LHX1: variants seen among roughly 807,000 people sequenced by gnomAD.
LHX1 encodes the protein LIM/homeobox protein Lhx1.
In LHX1, 9 loss-of-function variants were observed where a neutral mutation model predicts 34.1. That is an observed-to-expected ratio of 0.26 (90% CI 0.16 to 0.46). The LOEUF is 0.46. Among genes scored for constraint, LHX1 ranks in the 20% least tolerant of loss-of-function variants. The pLI is 1.00. For synonymous variants in LHX1, 254 were observed against 241.5 expected, an observed-to-expected ratio of 1.05 and a Z score of -0.48; for missense variants, 446 against 559.1, an observed-to-expected ratio of 0.80 and a Z score of 2.04.
Position 36,937,538 on chromosome 17 carries a change from C to A in LHX1, c.-660C>A. 6.2e-6 allele frequency: 2 copies of A among 322,230 alleles called. No individual in the cohort carries two copies. Among genetic ancestry groups the A allele is most frequent in the South Asian group, 4.6e-5 (2 of 43,056 alleles). The allele number at this position is 322,230 out of a possible 1,614,324, so 20.0% of individuals were successfully genotyped here. Reference sequence around the variant, plus strand: ...CCGCGGTCGGCCCTCGCCCCCTCCCCCAGGCCCAGCGCGGGCGCTCGGCGC... The same window carrying A: ...CCGCGGTCGGCCCTCGCCCCCTCCCACAGGCCCAGCGCGGGCGCTCGGCGC... On this transcript the variant is annotated 5_prime_UTR_variant, in exon 1 of 5. Coordinates refer to ENST00000614239, the MANE Select transcript of LHX1 (RefSeq NM_005568.5).
intron 4 of LHX1, 110 bp from the exon 5 acceptor site, chr17:36,942,642 T>A: frequency 8.1e-7 from 1 of 1,229,740 alleles, no homozygotes; most frequent in Non-Finnish European, 1.1e-6. Context: ...GATCCGCGAG[T>A]TCCCCGCGCG....
Position 36,943,099 on chromosome 17 carries a change from C to G in LHX1, c.1189C>G (p.Pro397Ala). ...GASYGNHLSH[P>A]PEMNEAAVW is the part of the protein sequence containing the mutation. ...GAGCTACGGAAACCACCTGTCCCAC[C>G]CCCCCGAAATGAACGAGGCGGCCGT... The change falls in exon 5 of 5, where the codon CCC becomes GCC. Residue 397 changes from proline (P) to alanine (A), a missense_variant. Transcript: ENST00000614239. 1 of 1,612,290 alleles carries G rather than the reference C, an allele frequency of 6.2e-7. No individual in the cohort carries two copies. Among genetic ancestry groups the G allele is most frequent in the South Asian group, 1.1e-5 (1 of 90,992 alleles).
chr17:36,941,033 G>A, intron 3 of LHX1, 146 bp downstream of exon 3: 1 of 1,270,638 alleles, frequency 7.9e-7, no homozygotes, highest in South Asian at 1.3e-5. Context: ...CGAGCCTGCG[G>A]GACCTATGAA....
chr17:36,941,122 C>A, intron 3 of LHX1: 3 of 745,044 alleles, frequency 4.0e-6, no homozygotes, highest in East Asian at 2.7e-5. Flanking sequence ...GGGGGAGGGA[C>A]GGGAGTTCAG....
chr17:36,942,957 C>T lies in LHX1; in HGVS notation c.1047C>T (p.His349=), dbSNP rs1211589375. The T allele has an allele frequency of 4.3e-6, 7 of 1,610,072 alleles. No homozygotes were observed. Among genetic ancestry groups the T allele is most frequent in the Non-Finnish European group, 5.9e-6 (7 of 1,178,808 alleles). The change falls in exon 5 of 5, where the codon CAC becomes CAT. Residue 349 remains histidine, a synonymous_variant. Coordinates refer to ENST00000614239, the MANE Select transcript of LHX1 (RefSeq NM_005568.5). ...EAQRFTDILA[H]PPGDSPSPEP... ...AGCGGTTTACCGACATCCTGGCGCACCCACCCGGGGACTCGCCCAGCCCCG... is the reference window on the plus strand; with the variant it reads ...AGCGGTTTACCGACATCCTGGCGCATCCACCCGGGGACTCGCCCAGCCCCG...
intron 1 of LHX1, among the ~76,000 whole-genome samples, chr17:36,939,208 C>T (rs1434739958): frequency 6.6e-6 from 1 of 152,200 alleles, no homozygotes; most frequent in African/African-American, 2.4e-5. Context: ...ATTATATTAT[C>T]GTACACTCAC....
At position 36,942,407 on chromosome 17, in the gene LHX1, G is replaced by A. The variant is rs747152138; in HGVS notation, c.841+42G>A. ...TGGCGGGGCGCGGCCAGGTCGGGGC[G>A]GGCTTCGTTGGAAGCGGGTGGCAGC... On this transcript the variant is annotated intron_variant, in intron 4 of 4. Coordinates refer to ENST00000614239, the MANE Select transcript of LHX1 (RefSeq NM_005568.5). The A allele has an allele frequency of 1.1e-5, 17 of 1,547,576 alleles. No homozygotes were observed. In the South Asian group the frequency reaches 1.9e-4, roughly 17 times the overall value.
At chr17:36,942,084 A>C (rs2070768412) in intron 3 of LHX1, 116 bp from the exon 4 acceptor site, 2 of 1,012,402 alleles carry the variant, frequency 2.0e-6, no homozygotes, top group African/African-American at 3.2e-5. Context: ...CACACACACA[A>C]GCGCGCGCGC....
In LHX1 at chr17:36,944,320, T is replaced by G. The variant is rs2070789080; in HGVS notation, c.*1189T>G. On this transcript the variant is annotated 3_prime_UTR_variant, in exon 5 of 5. Coordinates refer to ENST00000614239, the MANE Select transcript of LHX1 (RefSeq NM_005568.5). The stretch of plus-strand genomic sequence containing the variant: ...TTAAAAAAAAACATCTTTGCTAATT[T>G]TTTTGTCCTGTTGAACATTCATGGA... 6.6e-6 allele frequency: 1 copy of G among 152,178 alleles called. No homozygotes were observed. The highest frequency in any genetic ancestry group is 2.4e-5 in the African/African-American group (1 of 41,458). The allele number at this position is 152,178 out of a possible 1,614,324, so 9.4% of individuals were successfully genotyped here. A position where few individuals can be genotyped will look rare whatever the true frequency, so the allele number is the denominator to read the frequency against.
intron 3 of LHX1, chr17:36,941,399 C>CTTCCAGCGG: frequency 3.0e-6 from 1 of 337,668 alleles, no homozygotes; most frequent in South Asian, 2.3e-5. Flanking sequence ...GTCAGCTCTG[C>CTTCCAGCGG]TTCCAGCGGG....
chr17:36,941,915 A>G (rs998000429), intron 3 of LHX1, among the ~76,000 whole-genome samples: 6 of 152,138 alleles, frequency 3.9e-5, no homozygotes, highest in Non-Finnish European at 5.9e-5. Context: ...GGTAACTGTG[A>G]TAGTGTGACT....
Position 36,942,847 on chromosome 17 carries a change from T to C in LHX1, c.937T>C (p.Phe313Leu). 6.3e-7 allele frequency: 1 copy of C among 1,590,468 alleles called. No homozygotes were observed. Among genetic ancestry groups the C allele is most frequent in the Non-Finnish European group, 8.6e-7 (1 of 1,166,120 alleles). Residue 313 changes from phenylalanine to leucine, a missense_variant, in exon 5 of 5, where the codon TTC (phenylalanine) becomes CTC (leucine). By Grantham distance (22) the Phe-to-Leu change is conservative (BLOSUM62 0). Coordinates refer to ENST00000614239, the MANE Select transcript of LHX1 (RefSeq NM_005568.5). The stretch of plus-strand genomic sequence containing the variant: ...GGCCCAGACACCAGTGGACCTACCC[T>C]TCGTGCCGTCATCTGGGCCGTCCGG... ...SQAQTPVDLP[F>L]VPSSGPSGTP...
Position 36,937,957 on chromosome 17 carries a change from G to A in LHX1, c.-241G>A. ...CGGGAGCTCAGGCGGCGCCGCTCCAGCCCGGGGCCCCGGGACTCCCCGGCT... is the reference window on the plus strand; with the variant it reads ...CGGGAGCTCAGGCGGCGCCGCTCCAACCCGGGGCCCCGGGACTCCCCGGCT... On this transcript the variant is annotated 5_prime_UTR_variant, in exon 1 of 5. Coordinates refer to ENST00000614239, the MANE Select transcript of LHX1 (RefSeq NM_005568.5). 1.7e-6 allele frequency: 1 copy of A among 601,730 alleles called. No individual in the cohort carries two copies. Among genetic ancestry groups the A allele is most frequent in the South Asian group, 2.0e-5 (1 of 51,206 alleles). 37.3% of individuals were successfully genotyped at this position (601,730 alleles called of 1,614,324 possible).
intron 1 of LHX1, among the ~76,000 whole-genome samples, chr17:36,939,042 G>A (rs1437563779): frequency 3.3e-5 from 5 of 152,182 alleles, no homozygotes; most frequent in Non-Finnish European, 7.3e-5. Context: ...TCAGCCCCAG[G>A]TGACTCCGAC....
Position 36,942,214 on chromosome 17 carries a change from C to G in LHX1, c.690C>G (p.Asn230Lys). The G allele has an allele frequency of 6.3e-7, 1 of 1,596,974 alleles. No individual in the cohort carries two copies. Among genetic ancestry groups the G allele is most frequent in the Non-Finnish European group, 8.5e-7 (1 of 1,176,450 alleles). The change falls in exon 4 of 5, where the codon AAC (asparagine) becomes AAG (lysine). Residue 230 changes from asparagine (N) to lysine (K), a missense_variant. Transcript: ENST00000614239. ...NMRVIQVWFQ[N>K]RRSKERRMKQ... The stretch of plus-strand genomic sequence containing the variant: ...ATGTGCTGCAGGTCTGGTTCCAGAA[C>G]CGGCGCTCCAAGGAGCGGAGGATGA...
In LHX1 at chr17:36,943,940, A is replaced by AG. The variant is rs1249501329; in HGVS notation, c.*809_*810insG. 1 of 151,856 alleles carries AG rather than the reference A, an allele frequency of 6.6e-6. No homozygotes were observed. Among genetic ancestry groups the AG allele is most frequent in the Non-Finnish European group, 1.5e-5 (1 of 67,944 alleles). The allele number at this position is 151,856 out of a possible 1,614,324, so 9.4% of individuals were successfully genotyped here. A position where few individuals can be genotyped will look rare whatever the true frequency, so the allele number is the denominator to read the frequency against. ...CTTCACACACAAAAAGTTAAAAAAA[A>AG]AAAAAAAGACTATTGAACTAAAAAC... On this transcript the variant is annotated 3_prime_UTR_variant, in exon 5 of 5. Coordinates refer to ENST00000614239, the MANE Select transcript of LHX1 (RefSeq NM_005568.5).
chr17:36,938,810 C>A (rs2070746341), intron 1 of LHX1: 2 of 331,536 alleles, frequency 6.0e-6, no homozygotes, highest in Non-Finnish European at 1.2e-5. Flanking sequence ...GCGGTCTTGG[C>A]GGTAAGCTCC....
Position 36,940,327 on chromosome 17 carries a change from A to G in LHX1, c.208A>G (p.Ile70Val). The change falls in exon 2 of 5, where the codon ATC (isoleucine) becomes GTC (valine). Residue 70 changes from isoleucine (I) to valine (V), a missense_variant. This residue lies in a region of LHX1 where 168 missense variants were observed against 226.6 expected (regional missense o/e 0.74). Transcript: ENST00000614239. ...GTKCAGCAQG[I>V]SPSDLVRRAR... ...CAAATGCGCAGGCTGCGCTCAGGGC[A>G]TCTCCCCTAGCGACCTGGTGCGGAG... The G allele has an allele frequency of 7.5e-7, 1 of 1,339,546 alleles. No homozygotes were observed. The highest frequency in any genetic ancestry group is 9.8e-7 in the Non-Finnish European group (1 of 1,015,632). The allele number at this position is 1,339,546 out of a possible 1,614,324, so 83.0% of individuals were successfully genotyped here.
At chr17:36,941,730 A>T (rs2142183942) in intron 3 of LHX1, among the ~76,000 whole-genome samples, 1 of 152,326 alleles carries the variant, frequency 6.6e-6, no homozygotes, top group East Asian at 1.9e-4. Flanking sequence ...GCACTGTGAG[A>T]TTGTACATGG....
Sources: gnomAD v4.1 joint callset for allele counts (sites outside exome capture counted in the v4.1 genomes callset) on GRCh38, gnomAD v4.1.1 for gene constraint, gnomAD v4.1.1 regional missense constraint, MANE v1.5 for transcripts, NCBI Gene and HGNC (gene_info 2026-07-23, HGNC 2026-07-21) for gene names.